Variants in CLYBL observed in about 807,000 individuals in gnomAD.
CLYBL encodes citramalyl-CoA lyase, mitochondrial.
Under a neutral mutation model 38.9 loss-of-function variants are expected in CLYBL, and 31 were observed. The observed-to-expected ratio is 0.80, with a 90% CI of 0.60 to 1.08. The LOEUF is 1.08. Ranked by LOEUF, CLYBL falls within the 50% of genes least tolerant of loss-of-function variation. The pLI is 0.00. For missense variants in CLYBL, 434 were observed against 411.6 expected (o/e 1.05, Z -0.47); for synonymous variants, 171 against 158.6 (o/e 1.08, Z -0.59).
At chr13:99,777,821 A>G (rs2049555265) in intron 2 of CLYBL, among the ~76,000 whole-genome samples, 1 of 152,166 alleles carries the variant, frequency 6.6e-6, no homozygotes, top group African/African-American at 2.4e-5. Flanking sequence ...ATATATTGTT[A>G]TTTACATACC....
At chr13:99,629,170 G>A (rs182217240) in intron 1 of CLYBL, among the ~76,000 whole-genome samples, 15 of 152,330 alleles carry the variant, frequency 9.8e-5, no homozygotes, top group African/African-American at 2.2e-4. Flanking sequence ...TGGGGACAGC[G>A]TCCAGGTTCT....
At chr13:99,876,765 G>T (rs988176905) in intron 7 of CLYBL, among the ~76,000 whole-genome samples, 1 of 152,260 alleles carries the variant, frequency 6.6e-6, no homozygotes, top group East Asian at 1.9e-4. Context: ...TGTAAGTAAA[G>T]ATATGGAATA....
intron 1 of CLYBL, among the ~76,000 whole-genome samples, chr13:99,664,579 TTGAA>T (rs1285745208): frequency 1.3e-5 from 2 of 152,242 alleles, no homozygotes; most frequent in Non-Finnish European, 2.9e-5. Context: ...CATATAATCT[TTGAA>T]TGAGTTCTGC....
intron 7 of CLYBL, among the ~76,000 whole-genome samples, chr13:99,878,644 A>G (rs2052112311): frequency 6.6e-6 from 1 of 152,234 alleles, no homozygotes; most frequent in Non-Finnish European, 1.5e-5. Flanking sequence ...TGCAAATCGT[A>G]CCTCAATAAA....
intron 4 of CLYBL, among the ~76,000 whole-genome samples, chr13:99,864,289 C>T (rs1594231070): frequency 6.6e-6 from 1 of 152,216 alleles, no homozygotes; most frequent in African/African-American, 2.4e-5. Flanking sequence ...TTTGCCTTGA[C>T]TTTCATATAT....
intron 1 of CLYBL, among the ~76,000 whole-genome samples, chr13:99,754,749 T>C (rs1050561033): frequency 2.9e-3 from 48 of 16,414 alleles, no homozygotes; most frequent in African/African-American, 7.1e-3. Context: ...CATGCCCAGC[T>C]TTTTTTTTTT....
downstream of CLYBL, among the ~76,000 whole-genome samples, chr13:99,901,144 G>C (rs558374748): frequency 3.5e-4 from 54 of 152,302 alleles, no homozygotes; most frequent in Non-Finnish European, 7.1e-4. Context: ...GCGCCATGCT[G>C]AGCTGGCTCC....
At chr13:99,684,624 G>T (rs919423249) in intron 1 of CLYBL, among the ~76,000 whole-genome samples, 3 of 152,150 alleles carry the variant, frequency 2.0e-5, no homozygotes, top group African/African-American at 7.2e-5. Flanking sequence ...AGTCACAAGG[G>T]ATTCTGAGGA....
rs959963437 is a variant in CLYBL, at chr13:99,632,464, G to A, written c.62+25707G>A. Among the ~76,000 whole-genome samples, 102 of 152,264 alleles carry A rather than the reference G, an allele frequency of 6.7e-4. 1 individual carries two copies. Among genetic ancestry groups the A allele is most frequent in the African/African-American group, 2.0e-3 (85 of 41,560 alleles). ...GTCCTATCAGAAACCACTAGAGGCC[G>A]GGCATTGTGGCTCATGCCTGTAATC... On this transcript the variant is annotated intron_variant, in intron 1 of 8. Transcript: ENST00000339105.
At chr13:99,868,189 G>A (rs191964871) in intron 6 of CLYBL, among the ~76,000 whole-genome samples, 55 of 152,282 alleles carry the variant, frequency 3.6e-4, no homozygotes, top group South Asian at 6.2e-4. Context: ...GCCACACTTC[G>A]TAGGCAGTTT....
At chr13:99,707,568 AGC>A (rs1386350137) in intron 1 of CLYBL, among the ~76,000 whole-genome samples, 2 of 152,114 alleles carry the variant, frequency 1.3e-5, no homozygotes, top group African/African-American at 4.8e-5. Context: ...CATTGCACCC[AGC>A]CTGGATTAAT....
intron 1 of CLYBL, among the ~76,000 whole-genome samples, chr13:99,647,656 T>G (rs2047196959): frequency 6.6e-6 from 1 of 152,112 alleles, no homozygotes; most frequent in South Asian, 2.1e-4. Flanking sequence ...ACTCGAGTGT[T>G]TTTCCAAAGG....
At chr13:99,827,339 C>T (rs1325891563) in intron 2 of CLYBL, among the ~76,000 whole-genome samples, 1 of 152,162 alleles carries the variant, frequency 6.6e-6, no homozygotes, top group African/African-American at 2.4e-5. Flanking sequence ...GGGGAAAGGA[C>T]CTGGCGCCAC....
At chr13:99,660,607 A>G (rs1195877794) in intron 1 of CLYBL, among the ~76,000 whole-genome samples, 4 of 152,128 alleles carry the variant, frequency 2.6e-5, no homozygotes, top group African/African-American at 2.4e-5. Flanking sequence ...AACTCCCCCA[A>G]TTCTAACCCA....
chr13:99,697,555 A>T (rs2047998457), intron 1 of CLYBL, among the ~76,000 whole-genome samples: 1 of 151,142 alleles, frequency 6.6e-6, no homozygotes, highest in African/African-American at 2.4e-5. Flanking sequence ...TTTTTGGTAG[A>T]GATGGGGTTT....
chr13:99,811,608 C>G (rs2050343739), intron 2 of CLYBL, among the ~76,000 whole-genome samples: 1 of 152,140 alleles, frequency 6.6e-6, no homozygotes, highest in African/African-American at 2.4e-5. Context: ...CATTGGGGAC[C>G]TGGTGGCAGG....
intron 1 of CLYBL, among the ~76,000 whole-genome samples, chr13:99,673,290 G>A (rs1485026309): frequency 6.6e-6 from 1 of 152,050 alleles, no homozygotes; most frequent in Non-Finnish European, 1.5e-5. Context: ...GCGCACACCT[G>A]TAATCCCAGC....
At chr13:99,788,822 G>A (rs1413062569) in intron 2 of CLYBL, among the ~76,000 whole-genome samples, 14 of 152,234 alleles carry the variant, frequency 9.2e-5, no homozygotes, top group African/African-American at 2.4e-4. Context: ...CTGTGAATCC[G>A]TCTGGTCCTG....
At chr13:99,838,700 A>G (rs2050996106) in intron 2 of CLYBL, among the ~76,000 whole-genome samples, 1 of 152,136 alleles carries the variant, frequency 6.6e-6, no homozygotes, top group African/African-American at 2.4e-5. Context: ...CAGTGGCGCA[A>G]TCTTGGCTCA....
Sources: gnomAD v4.1 joint callset for allele counts (sites outside exome capture counted in the v4.1 genomes callset) on GRCh38, gnomAD v4.1.1 for gene constraint, MANE v1.5 for transcripts, NCBI Gene and HGNC (gene_info 2026-07-23, HGNC 2026-07-21) for gene names.